Variants in MYLIP observed in about 807,000 individuals in gnomAD.
The protein encoded by MYLIP is myosin regulatory light chain interacting protein.
Under a neutral mutation model 45.8 loss-of-function variants are expected in MYLIP, and 26 were observed. The observed-to-expected ratio is 0.57, with a 90% CI of 0.42 to 0.79. The LOEUF is 0.79. Among genes scored for constraint, MYLIP ranks in the 30% least tolerant of loss-of-function variants. MYLIP has a pLI of 0.00. For missense variants in MYLIP, 494 were observed against 555.6 expected, an observed-to-expected ratio of 0.89 and a Z score of 1.11; for synonymous variants, 213 against 218.1, an observed-to-expected ratio of 0.98 and a Z score of 0.21.
chr6:16,140,224 T>G (rs957179169), intron 2 of MYLIP, among the ~76,000 whole-genome samples: 1 of 152,222 alleles, frequency 6.6e-6, no homozygotes, highest in African/African-American at 2.4e-5. Flanking sequence ...CGAAGGAAGG[T>G]TAAAACTTCA....
Position 16,129,417 on chromosome 6 carries a change from C to A in MYLIP, c.87+8C>A, listed in dbSNP as rs1759407470. ...GAGGACTGCCTCAACCAGGTGAGGG[C>A]GAGGGGCAAGAAGGGGCCCCGGCGG... On this transcript the variant is annotated splice_region_variant and intron_variant, in intron 1 of 6. Coordinates refer to ENST00000356840, the MANE Select transcript of MYLIP (RefSeq NM_013262.4). The surrounding 1 kb of genome is among the most constrained non-coding windows in gnomAD (Gnocchi z 5.1). The A allele has an allele frequency of 6.3e-7, 1 of 1,576,990 alleles. No individual in the cohort carries two copies. The highest frequency in any genetic ancestry group is 8.6e-7 in the Non-Finnish European group (1 of 1,162,056).
At chr6:16,157,064 T>A in the MYLIP span, among the ~76,000 whole-genome samples, 44 of 152,360 alleles carry the variant, frequency 2.9e-4, no homozygotes, top group African/African-American at 8.4e-4. Flanking sequence ...CTGTCCCACC[T>A]GCCATCCCAC....
At chr6:16,153,837 T>C in the MYLIP span, among the ~76,000 whole-genome samples, 1,755 of 152,350 alleles carry the variant, frequency 0.012, 47 homozygotes, top group African/African-American at 0.039. Context: ...CTGTTCAAGC[T>C]GAAGTCCCTA....
Position 16,146,694 on chromosome 6 carries a change from TGTCCAGCAC to T in MYLIP, c.1285_1293del (p.Gln429_Val431del). ...CCGTCTGCAGGTCGCGTGTGGAGCATGTCCAGCACGTCTATCTGCCAACGCACACCAGTC... is the reference window on the plus strand; with the variant it reads ...CCGTCTGCAGGTCGCGTGTGGAGCATGTCTATCTGCCAACGCACACCAGTC... On this transcript the variant is annotated inframe_deletion, in exon 7 of 7. Coordinates refer to ENST00000356840, the MANE Select transcript of MYLIP (RefSeq NM_013262.4). The T allele has an allele frequency of 2.5e-6, 4 of 1,612,158 alleles. No individual in the cohort carries two copies. Among genetic ancestry groups the T allele is most frequent in the Non-Finnish European group, 2.5e-6 (3 of 1,178,974 alleles).
In MYLIP at chr6:16,144,959, C is replaced by T. The variant is rs747161589; in HGVS notation, c.890C>T (p.Ala297Val). The T allele has an allele frequency of 1.3e-5, 21 of 1,614,082 alleles. No homozygotes were observed. The highest frequency in any genetic ancestry group is 2.7e-5 in the African/African-American group (2 of 74,912). Reference protein sequence around the residue: ...QYSRDLKGHLASLFLNENINL... With the variant: ...QYSRDLKGHLVSLFLNENINL... ...AGCCGTGACTTGAAGGGCCACTTGGCATCTCTGTTTCTGAATGAAAACATT... is the reference window on the plus strand; with the variant it reads ...AGCCGTGACTTGAAGGGCCACTTGGTATCTCTGTTTCTGAATGAAAACATT... The change falls in exon 6 of 7, where the codon GCA (alanine) becomes GTA (valine). Residue 297 changes from alanine (A) to valine (V), a missense_variant. By Grantham distance (64) the Ala-to-Val change is moderately conservative. Coordinates refer to ENST00000356840, the MANE Select transcript of MYLIP (RefSeq NM_013262.4).
At chr6:16,158,511 T>A in the MYLIP span, among the ~76,000 whole-genome samples, 51 of 152,282 alleles carry the variant, frequency 3.3e-4, no homozygotes, top group Admixed American at 1.5e-3. Context: ...AAACTATATA[T>A]ACATCTATAC....
intron 1 of MYLIP, 38 bp from the exon 2 acceptor site, chr6:16,130,519 C>T (rs749091403): frequency 1.3e-6 from 2 of 1,599,154 alleles, no homozygotes; most frequent in South Asian, 1.1e-5. Context: ...TTGATACGTA[C>T]CATTTGCTCA....
At chr6:16,145,796 G>A (rs1003068425) in intron 6 of MYLIP, among the ~76,000 whole-genome samples, 3 of 152,186 alleles carry the variant, frequency 2.0e-5, no homozygotes, top group Non-Finnish European at 4.4e-5. Flanking sequence ...GATTGCAAAT[G>A]CCTCAAGGGC....
At chr6:16,163,298 T>A in the MYLIP span, 1 of 152,180 alleles carries the variant, frequency 6.6e-6, no homozygotes, top group Non-Finnish European at 1.5e-5. Context: ...TCCTGTAGGG[T>A]TGTATCCAAC....
At chr6:16,150,791 G>A (rs1045590766), downstream of MYLIP, among the ~76,000 whole-genome samples, 1 of 152,092 alleles carries the variant, frequency 6.6e-6, no homozygotes. Context: ...TTTTTATTAA[G>A]GGTTTCAAAA....
the MYLIP span, among the ~76,000 whole-genome samples, chr6:16,154,803 C>T: frequency 6.6e-6 from 1 of 152,182 alleles, no homozygotes; most frequent in African/African-American, 2.4e-5. Flanking sequence ...AGGCTTCCCC[C>T]TTTGCACAGC....
chr6:16,147,747 G>C lies in MYLIP; in HGVS notation c.*996G>C, dbSNP rs531245511. 1 of 152,572 alleles carries C rather than the reference G, an allele frequency of 6.6e-6. No individual in the cohort carries two copies. Among genetic ancestry groups the C allele is most frequent in the Admixed American group, 6.5e-5 (1 of 15,282 alleles). 9.5% of individuals were successfully genotyped at this position (152,572 alleles called of 1,614,324 possible). Reference sequence around the variant, plus strand: ...ATATGGTGTCCTTTTCTGTTTTTGGGGGGGGAGTTTTGTTGTGTTTTTTTA... The same window carrying C: ...ATATGGTGTCCTTTTCTGTTTTTGGCGGGGGAGTTTTGTTGTGTTTTTTTA... On this transcript the variant is annotated 3_prime_UTR_variant, in exon 7 of 7. Transcript: ENST00000356840.
the MYLIP span, among the ~76,000 whole-genome samples, chr6:16,161,991 A>G: frequency 6.6e-6 from 1 of 152,262 alleles, no homozygotes; most frequent in Admixed American, 6.5e-5. Context: ...CATTTTTGCA[A>G]GCCTTCAGAT....
downstream of MYLIP, among the ~76,000 whole-genome samples, chr6:16,151,015 AG>A (rs370236688): frequency 1.3e-5 from 2 of 152,084 alleles, no homozygotes; most frequent in African/African-American, 2.4e-5. Context: ...ATGAGAAAAA[AG>A]GTATGCCCCG....
At chr6:16,135,378 C>T (rs146833408) in intron 2 of MYLIP, among the ~76,000 whole-genome samples, 264 of 152,248 alleles carry the variant, frequency 1.7e-3, no homozygotes, top group African/African-American at 6.0e-3. Context: ...GGGTTGTGAT[C>T]ACTTTTGAAG....
intron 6 of MYLIP, among the ~76,000 whole-genome samples, chr6:16,146,095 G>T (rs1581609611): frequency 6.6e-6 from 1 of 152,182 alleles, no homozygotes; most frequent in African/African-American, 2.4e-5. Flanking sequence ...TCATAGGCTT[G>T]TCTTTTTCTG....
chr6:16,135,817 ATATT>A (rs963095046), intron 2 of MYLIP, among the ~76,000 whole-genome samples: 25 of 146,422 alleles, frequency 1.7e-4, no homozygotes, highest in Admixed American at 4.9e-4. Context: ...TATACAGTAT[ATATT>A]CTATATAGTG....
rs201162030 is a variant in MYLIP at position 16,143,106 on chromosome 6, A to G, written c.551A>G (p.Asn184Ser). ...TTGCAGATTGTGTCGGCAATGGAAA[A>G]CTATGGCATAGAATGGCATTCTGTG... ...QVLQIVSAME[N>S]YGIEWHSVRD... is the part of the protein sequence containing the mutation. Residue 184 changes from asparagine to serine, a missense_variant, in exon 4 of 7, where the codon AAC (asparagine) becomes AGC (serine). Transcript: ENST00000356840. 5 of 1,614,086 alleles carry G rather than the reference A, an allele frequency of 3.1e-6. No individual in the cohort carries two copies. Among genetic ancestry groups the G allele is most frequent in the Non-Finnish European group, 4.2e-6 (5 of 1,180,048 alleles).
chr6:16,136,844 T>C lies in MYLIP; in HGVS notation c.279-4781T>C, dbSNP rs577709572. Among the ~76,000 whole-genome samples, 128 of 152,368 alleles carry C rather than the reference T, an allele frequency of 8.4e-4. 2 individuals carry two copies. The highest frequency in any genetic ancestry group is 2.8e-3 in the African/African-American group (115 of 41,586). On this transcript the variant is annotated intron_variant, in intron 2 of 6. Coordinates refer to ENST00000356840, the MANE Select transcript of MYLIP (RefSeq NM_013262.4). The stretch of plus-strand genomic sequence containing the variant: ...CATGTGTTTATTGGCCTTTCATGTA[T>C]CTTTTTCAAAGTGTCCAAGTCATTT...
Sources: gnomAD v4.1 joint callset for allele counts (sites outside exome capture counted in the v4.1 genomes callset) on GRCh38, gnomAD v4.1.1 for gene constraint, Gnocchi (gnomAD v3.1) non-coding constraint, MANE v1.5 for transcripts, NCBI Gene and HGNC (gene_info 2026-07-23, HGNC 2026-07-21) for gene names.